The following R3HDM1 variants were observed in gnomAD, a reference collection of about 807,000 sequenced individuals.
R3HDM1 encodes the protein R3H domain containing 1.
In R3HDM1, 46 loss-of-function variants were observed where a neutral mutation model predicts 141.1. The observed-to-expected ratio is 0.33, with a 90% confidence interval of 0.26 to 0.42. R3HDM1 has a LOEUF of 0.42. Ranked by LOEUF, R3HDM1 falls within the 10% of genes least tolerant of loss-of-function variation. The pLI is 1.00. For synonymous variants in R3HDM1, 435 were observed against 472.9 expected (o/e 0.92, Z 1.04); for missense variants, 1,184 against 1,368.3 (o/e 0.87, Z 2.12).
At chr2:135,646,221 C>T (rs902092886) in intron 16 of R3HDM1, among the ~76,000 whole-genome samples, 1 of 151,316 alleles carries the variant, frequency 6.6e-6, no homozygotes, top group African/African-American at 2.4e-5. Context: ...CTGCAAGCTC[C>T]GCCTCCTGGG....
intron 1 of R3HDM1, among the ~76,000 whole-genome samples, chr2:135,596,496 G>A (rs1321202759): frequency 6.6e-6 from 1 of 151,962 alleles, no homozygotes; most frequent in Non-Finnish European, 1.5e-5. Context: ...AAATAATACA[G>A]ATGTGATTTG....
At chr2:135,541,447 A>T (rs1697483464) in intron 1 of R3HDM1, among the ~76,000 whole-genome samples, 1 of 151,996 alleles carries the variant, frequency 6.6e-6, no homozygotes, top group Non-Finnish European at 1.5e-5. Context: ...TGACCTCGTG[A>T]TCAGCCTGCC....
At chr2:135,674,534 G>A (rs551127726) in intron 19 of R3HDM1, among the ~76,000 whole-genome samples, 1 of 152,124 alleles carries the variant, frequency 6.6e-6, no homozygotes, top group African/African-American at 2.4e-5. Context: ...TTAGGATCAG[G>A]AGACAAAATA....
At chr2:135,715,811 C>A in intron 24 of R3HDM1, 117 bp downstream of exon 24, 1 of 1,251,144 alleles carries the variant, frequency 8.0e-7, no homozygotes, top group Non-Finnish European at 1.1e-6. Context: ...TGCATCTTCA[C>A]CTACACTCAG....
At chr2:135,638,568 A>T in intron 11 of R3HDM1, 50 bp from the exon 12 acceptor site, 1 of 1,525,664 alleles carries the variant, frequency 6.6e-7, no homozygotes, top group Non-Finnish European at 9.1e-7. Flanking sequence ...AGATGGCATT[A>T]CGTTATATTT....
At chr2:135,648,256 A>G (rs575400451) in intron 16 of R3HDM1, among the ~76,000 whole-genome samples, 1 of 152,116 alleles carries the variant, frequency 6.6e-6, no homozygotes, top group Non-Finnish European at 1.5e-5. Context: ...CTTTAATTAT[A>G]GATTTTTTTG....
intron 14 of R3HDM1, among the ~76,000 whole-genome samples, chr2:135,640,179 G>C (rs949565032): frequency 6.6e-6 from 1 of 152,006 alleles, no homozygotes; most frequent in African/African-American, 2.4e-5. Context: ...TATTGTACAC[G>C]TAAGAATTGA....
In R3HDM1 at chr2:135,616,759, T is replaced by TA. The variant is rs774149234; in HGVS notation, c.303+8dup. 24 of 1,585,308 alleles carry TA rather than the reference T, an allele frequency of 1.5e-5. No homozygotes were observed. Among genetic ancestry groups the TA allele is most frequent in the Middle Eastern group, 3.3e-4 (2 of 6,038 alleles). On this transcript the variant is annotated splice_region_variant and intron_variant, in intron 5 of 26. Coordinates refer to ENST00000683871, the MANE Select transcript of R3HDM1 (RefSeq NM_001378107.1). The stretch of plus-strand genomic sequence containing the variant: ...CCAGAGATATCACAGGAGAACCAGG[T>TA]AAAAAAGCAAAACAAATGTTATTTC...
chr2:135,694,686 C>G (rs1559454950), intron 21 of R3HDM1, among the ~76,000 whole-genome samples: 1 of 152,146 alleles, frequency 6.6e-6, no homozygotes, highest in Admixed American at 6.5e-5. Context: ...ACCAGAGTCT[C>G]TGAGTTAGGA....
At chr2:135,551,920 C>T (rs952986519) in intron 1 of R3HDM1, among the ~76,000 whole-genome samples, 4 of 152,046 alleles carry the variant, frequency 2.6e-5, no homozygotes, top group African/African-American at 9.7e-5. Flanking sequence ...AATGATAGTT[C>T]ATTTGTTGAT....
chr2:135,555,832 C>T (rs1700648586), intron 1 of R3HDM1, among the ~76,000 whole-genome samples: 1 of 152,104 alleles, frequency 6.6e-6, no homozygotes, highest in East Asian at 1.9e-4. Flanking sequence ...TTGAGATCAG[C>T]TGGGGCAACA....
At chr2:135,660,969 G>C (rs1034084020) in intron 18 of R3HDM1, among the ~76,000 whole-genome samples, 2 of 151,994 alleles carry the variant, frequency 1.3e-5, no homozygotes, top group Admixed American at 1.3e-4. Flanking sequence ...ATGGAAGTTA[G>C]AGTAAAGGAA....
intron 1 of R3HDM1, chr2:135,586,873 A>C: frequency 1.0e-6 from 1 of 985,238 alleles, no homozygotes; most frequent in East Asian, 1.1e-4. Flanking sequence ...AGTTCATCTT[A>C]AAATAGACAT....
chr2:135,703,827 A>T (rs1349414050), intron 21 of R3HDM1, among the ~76,000 whole-genome samples: 1 of 152,178 alleles, frequency 6.6e-6, no homozygotes, highest in Non-Finnish European at 1.5e-5. Flanking sequence ...AGTTTATATT[A>T]TACTAGGTAT....
chr2:135,704,563 C>A (rs1258078286), intron 21 of R3HDM1, among the ~76,000 whole-genome samples: 1 of 150,754 alleles, frequency 6.6e-6, no homozygotes, highest in Admixed American at 6.6e-5. Context: ...CTCTGCCTCC[C>A]GGGTTCAAGT....
intron 21 of R3HDM1, among the ~76,000 whole-genome samples, chr2:135,694,167 A>G (rs994015966): frequency 5.3e-5 from 8 of 152,126 alleles, no homozygotes; most frequent in African/African-American, 1.4e-4. Flanking sequence ...CACAGTGACT[A>G]TTTTTACTGC....
intron 21 of R3HDM1, among the ~76,000 whole-genome samples, chr2:135,690,166 C>T (rs1016528825): frequency 4.5e-4 from 68 of 152,034 alleles, no homozygotes; most frequent in African/African-American, 1.6e-3. Context: ...CTCTAGTGTC[C>T]CTTTTGTCCT....
intron 5 of R3HDM1, 66 bp downstream of exon 5, chr2:135,616,823 A>T: frequency 7.5e-7 from 1 of 1,335,912 alleles, no homozygotes; most frequent in Non-Finnish European, 1.0e-6. Flanking sequence ...TATATGATTT[A>T]AGTTGTGTTT....
chr2:135,674,818 C>CA (rs947470641), intron 19 of R3HDM1, among the ~76,000 whole-genome samples: 2 of 147,144 alleles, frequency 1.4e-5, no homozygotes, highest in Non-Finnish European at 3.0e-5. Context: ...TCTCCCCTGC[C>CA]TTTTTTTTTT....
Sources: allele counts gnomAD v4.1 joint callset (sites outside exome capture counted in the v4.1 genomes callset), GRCh38; gene constraint gnomAD v4.1.1; transcripts MANE v1.5; gene names NCBI Gene and HGNC (gene_info 2026-07-23, HGNC 2026-07-21).